The following ADGRF5 variants were observed in gnomAD, a reference collection of about 807,000 sequenced individuals.
ADGRF5 encodes the protein G-protein coupled receptor 116.
ADGRF5 carries 75 observed loss-of-function variants against 132.3 expected under a neutral mutation model. The ratio of observed to expected loss-of-function variants is 0.57; its 90% CI spans 0.47 to 0.69. The LOEUF (loss-of-function observed/expected upper bound fraction) is 0.69, where lower values mean the gene tolerates loss of function less well. Among genes scored for constraint, ADGRF5 ranks in the 30% least tolerant of loss-of-function variants. The pLI is 0.00. For missense variants in ADGRF5, 1,516 were observed against 1,630.6 expected, an observed-to-expected ratio of 0.93 and a Z score of 1.21; for synonymous variants, 629 against 597.6, an observed-to-expected ratio of 1.05 and a Z score of -0.77.
intron 1 of ADGRF5, among the ~76,000 whole-genome samples, chr6:46,935,076 T>C (rs1398503470): frequency 6.9e-6 from 1 of 144,858 alleles, no homozygotes; most frequent in African/African-American, 2.6e-5. Flanking sequence ...TGATCTTGGC[T>C]CACTGCAACC....
chr6:46,885,093 C>G (rs1468656753), intron 4 of ADGRF5, among the ~76,000 whole-genome samples: 3 of 151,280 alleles, frequency 2.0e-5, no homozygotes, highest in Middle Eastern at 6.4e-3. Context: ...ACTCAGGAGG[C>G]TGAGGTGGGA....
In ADGRF5 at chr6:46,858,533, T is replaced by G. The variant is rs1389857846; in HGVS notation, c.3370A>C (p.Arg1124=). 6.2e-7 allele frequency: 1 copy of G among 1,613,864 alleles called. No individual in the cohort carries two copies. Among genetic ancestry groups the G allele is most frequent in the Non-Finnish European group, 8.5e-7 (1 of 1,179,876 alleles). The change falls in exon 17 of 21, where the codon AGG becomes CGG. Residue 1124 remains arginine (R), a synonymous_variant. Transcript: ENST00000283296. ...RLVFILHETS[R]STQKAIAFCL... The stretch of plus-strand genomic sequence containing the variant: ...AAGGCAATGGCTTTCTGAGTGGACC[T>G]GCTTGTTTCATGCAGAATGAAAACC...
At chr6:46,927,072 C>G (rs891229019) in intron 1 of ADGRF5, among the ~76,000 whole-genome samples, 14 of 152,122 alleles carry the variant, frequency 9.2e-5, no homozygotes, top group Admixed American at 7.9e-4. Context: ...ATACCATCTC[C>G]CATCCAAATT....
chr6:46,953,341 G>T (rs1250240088), intron 1 of ADGRF5, among the ~76,000 whole-genome samples: 2 of 152,074 alleles, frequency 1.3e-5, no homozygotes, highest in South Asian at 4.1e-4. Context: ...TTTCACTGAG[G>T]TCGGGCACCA....
chr6:46,862,156 C>T (rs559815465), intron 15 of ADGRF5, among the ~76,000 whole-genome samples: 1 of 152,134 alleles, frequency 6.6e-6, no homozygotes, highest in East Asian at 1.9e-4. Context: ...AAGTATTACC[C>T]TTTTTTTCAA....
At chr6:46,920,532 G>GA (rs1562241535) in intron 1 of ADGRF5, among the ~76,000 whole-genome samples, 2 of 132,922 alleles carry the variant, frequency 1.5e-5, no homozygotes. Flanking sequence ...TATTTGGGGG[G>GA]GGGGAAGAGA....
chr6:46,953,997 A>G (rs1778627096), intron 1 of ADGRF5, among the ~76,000 whole-genome samples: 1 of 152,120 alleles, frequency 6.6e-6, no homozygotes, highest in African/African-American at 2.4e-5. Context: ...GTACTTAAAT[A>G]AGACCTGGCT....
At chr6:46,910,731 A>G (rs1200033798) in intron 1 of ADGRF5, among the ~76,000 whole-genome samples, 3 of 152,120 alleles carry the variant, frequency 2.0e-5, no homozygotes, top group Non-Finnish European at 1.5e-5. Context: ...ACAAACAAAC[A>G]AATTATAAGT....
At chr6:46,953,973 A>G (rs1202453726) in intron 1 of ADGRF5, among the ~76,000 whole-genome samples, 2 of 152,124 alleles carry the variant, frequency 1.3e-5, no homozygotes, top group Non-Finnish European at 2.9e-5. Context: ...AAAAATCCAG[A>G]GAAATTTATA....
At chr6:46,951,549 A>G (rs574583103) in intron 1 of ADGRF5, among the ~76,000 whole-genome samples, 9 of 152,360 alleles carry the variant, frequency 5.9e-5, no homozygotes, top group African/African-American at 2.2e-4. Context: ...TACCACATGT[A>G]GTCAGAAAGG....
At chr6:46,924,681 A>G (rs1443643811), upstream of ADGRF5, among the ~76,000 whole-genome samples, 1 of 152,166 alleles carries the variant, frequency 6.6e-6, no homozygotes, top group Admixed American at 6.6e-5. Context: ...GCCCTCAAAC[A>G]GAACATGTCC....
chr6:46,898,297 C>T (rs1774392136), intron 3 of ADGRF5, among the ~76,000 whole-genome samples: 2 of 152,318 alleles, frequency 1.3e-5, no homozygotes, highest in South Asian at 4.1e-4. Context: ...AAACCTGGAG[C>T]TGGAACTCAC....
intron 1 of ADGRF5, among the ~76,000 whole-genome samples, chr6:46,931,782 G>A (rs529673681): frequency 6.6e-6 from 1 of 152,258 alleles, no homozygotes; most frequent in East Asian, 1.9e-4. Flanking sequence ...GTCACTAAAA[G>A]AATGACTAAC....
chr6:46,912,367 G>T (rs1776024539), intron 1 of ADGRF5, among the ~76,000 whole-genome samples: 1 of 152,118 alleles, frequency 6.6e-6, no homozygotes, highest in Non-Finnish European at 1.5e-5. Context: ...GAGGAAGATG[G>T]TTCTAGGTGG....
intron 14 of ADGRF5, 160 bp from the exon 15 acceptor site, chr6:46,863,256 T>G (rs191965639): frequency 1.4e-6 from 1 of 709,128 alleles, no homozygotes; most frequent in East Asian, 2.7e-5. Context: ...TTGCCCTTGA[T>G]TTTCCAAAGC....
chr6:46,888,775 G>C (rs1268520284), intron 3 of ADGRF5, among the ~76,000 whole-genome samples: 1 of 152,172 alleles, frequency 6.6e-6, no homozygotes, highest in Non-Finnish European at 1.5e-5. Context: ...TCTGGGAACT[G>C]TTCGGGCAAA....
chr6:46,917,281 C>T (rs1329336005), intron 1 of ADGRF5, among the ~76,000 whole-genome samples: 3 of 152,166 alleles, frequency 2.0e-5, no homozygotes, highest in Non-Finnish European at 4.4e-5. Flanking sequence ...ATTTTGTCTT[C>T]CCCAGAGATA....
Position 46,881,605 on chromosome 6 carries a change from G to A in ADGRF5, c.672-8C>T, listed in dbSNP as rs1211338174. The A allele has an allele frequency of 6.2e-7, 1 of 1,612,914 alleles. No individual in the cohort carries two copies. The highest frequency in any genetic ancestry group is 1.3e-5 in the African/African-American group (1 of 74,896). Reference sequence around the variant, plus strand: ...ACAACCACACTTCCAGACCTGGACAGAGACCACTCAGTTCAGTAAAACAAT... The same window carrying A: ...ACAACCACACTTCCAGACCTGGACAAAGACCACTCAGTTCAGTAAAACAAT... On this transcript the variant is annotated splice_polypyrimidine_tract_variant and splice_region_variant and intron_variant, in intron 7 of 20. Transcript: ENST00000283296.
chr6:46,898,237 C>T (rs1774386172), intron 3 of ADGRF5, among the ~76,000 whole-genome samples: 1 of 152,154 alleles, frequency 6.6e-6, no homozygotes, highest in Non-Finnish European at 1.5e-5. Context: ...CTGTAGTCAC[C>T]CACTGCTCCT....
Sources: gnomAD v4.1 joint callset for allele counts (sites outside exome capture counted in the v4.1 genomes callset) on GRCh38, gnomAD v4.1.1 for gene constraint, MANE v1.5 for transcripts, NCBI Gene and HGNC (gene_info 2026-07-23, HGNC 2026-07-21) for gene names.